Variants in TMED10 observed in about 807,000 individuals in gnomAD.
The protein encoded by TMED10 is transmembrane p24 trafficking protein 10, also known as transmembrane emp24 domain-containing protein 10.
TMED10 carries 7 observed loss-of-function variants against 23.1 expected under a neutral mutation model. That is an observed-to-expected ratio of 0.30 (90% CI 0.17 to 0.57). TMED10 has a LOEUF of 0.57. TMED10 is among the 20% of genes least tolerant of loss of function. The probability of loss-of-function intolerance (pLI) is 0.91; values close to 1 mark genes in which losing one functional copy is unlikely to be tolerated. For missense variants in TMED10, 162 were observed against 274.8 expected (o/e 0.59, Z 2.90); for synonymous variants, 113 against 106.9 (o/e 1.06, Z -0.35).
chr14:75,164,577 A>ATATATATAT (rs1566675301), intron 1 of TMED10, among the ~76,000 whole-genome samples: 1 of 45,132 alleles, frequency 2.2e-5, no homozygotes, highest in African/African-American at 2.2e-4. Flanking sequence ...ATATATATAT[A>ATATATATAT]TTTTTTTTTT....
chr14:75,164,555 ATATATATATATATATATATATATTT>A (rs1465993698), intron 1 of TMED10, among the ~76,000 whole-genome samples: 4,018 of 12,388 alleles, frequency 0.32, 260 homozygotes, highest in Non-Finnish European at 0.48. Flanking sequence ...ATATATATAT[ATATATATATATATATATATATATTT>A]TTTTTTTTTT....
At chr14:75,171,146 T>C (rs184152883) in intron 1 of TMED10, among the ~76,000 whole-genome samples, 1 of 149,992 alleles carries the variant, frequency 6.7e-6, no homozygotes, top group East Asian at 2.0e-4. Context: ...GGCAGGTGAG[T>C]AAGAGAATGA....
intron 3 of TMED10, among the ~76,000 whole-genome samples, chr14:75,137,696 G>GTTTC (rs143329685): frequency 0.49 from 61,184 of 125,202 alleles, 15,344 homozygotes; most frequent in Middle Eastern, 0.57. Context: ...AAAAAATTCT[G>GTTTC]TTTCTTTCTT....
chr14:75,139,510 C>G (rs929981385), intron 3 of TMED10, among the ~76,000 whole-genome samples: 4 of 152,084 alleles, frequency 2.6e-5, no homozygotes, highest in African/African-American at 9.7e-5. Flanking sequence ...GTGGCTCACA[C>G]CTGTTATCCC....
intron 3 of TMED10, 74 bp downstream of exon 3, chr14:75,147,590 T>C: frequency 6.8e-7 from 1 of 1,466,710 alleles, no homozygotes. Flanking sequence ...CACAGCCTGT[T>C]GGCCTGCCGA....
Position 75,157,661 on chromosome 14 carries a change from A to C in TMED10, c.226-5518T>G, listed in dbSNP as rs147729222. ...TGAGAACATGTCTCAATAAATAGCC[A>C]GGTGCAGTGGCCCACACCTGTAATC... On this transcript the variant is annotated intron_variant, in intron 1 of 4. Transcript: ENST00000303575. 8.2e-3 allele frequency among the ~76,000 whole-genome samples: 1,244 copies of C among 151,822 alleles called. 11 individuals carry two copies. Among genetic ancestry groups the C allele is most frequent in the Non-Finnish European group, 0.012 (813 of 67,930 alleles).
chr14:75,171,401 T>TC (rs1443203868), intron 1 of TMED10, among the ~76,000 whole-genome samples: 1 of 151,818 alleles, frequency 6.6e-6, no homozygotes, highest in Admixed American at 6.6e-5. Flanking sequence ...TGCCTCAGTC[T>TC]CCTGAGTAGC....
chr14:75,150,897 C>T (rs570736107), intron 2 of TMED10, among the ~76,000 whole-genome samples: 1 of 152,128 alleles, frequency 6.6e-6, no homozygotes, highest in Non-Finnish European at 1.5e-5. Context: ...GCCTGGCAAA[C>T]AGACAATCCT....
rs373541195 is a variant in TMED10, at chr14:75,171,175, G to A, written c.225+5180C>T. ...AGAATGAGATGAGATGATGATAGCC[G>A]GGGAAGGAGGGAGGAAGAGAGGAAG... is the stretch of plus-strand genomic sequence containing the variant. On this transcript the variant is annotated intron_variant, in intron 1 of 4. Coordinates refer to ENST00000303575, the MANE Select transcript of TMED10 (RefSeq NM_006827.6). 1.1e-4 allele frequency among the ~76,000 whole-genome samples: 16 copies of A among 151,904 alleles called. No individual in the cohort carries two copies. In the East Asian group the frequency reaches 1.7e-3, roughly 16 times the overall value.
chr14:75,164,990 G>C (rs992214522), intron 1 of TMED10, among the ~76,000 whole-genome samples: 1 of 152,014 alleles, frequency 6.6e-6, no homozygotes, highest in Non-Finnish European at 1.5e-5. Context: ...AGCTTTTCCT[G>C]TATGTGGTTT....
chr14:75,134,530 A>G lies in TMED10; in HGVS notation c.*355T>C, dbSNP rs1478191174. ...ACTAGAATGGAAGCCCAAGCTGCTG[A>G]GCAAGTGGGAGAAGAAAAGAAAACA... On this transcript the variant is annotated 3_prime_UTR_variant, in exon 5 of 5. Transcript: ENST00000303575. 1.2e-5 allele frequency: 2 copies of G among 171,562 alleles called. No individual in the cohort carries two copies. The highest frequency in any genetic ancestry group is 5.8e-5 in the Admixed American group (1 of 17,368). 10.6% of individuals were successfully genotyped at this position (171,562 alleles called of 1,614,324 possible).
chr14:75,146,571 T>C (rs942936719), intron 3 of TMED10, among the ~76,000 whole-genome samples: 3 of 152,192 alleles, frequency 2.0e-5, no homozygotes, highest in Admixed American at 2.0e-4. Context: ...ATAGTTCTTG[T>C]GGTTTTTCAA....
intron 3 of TMED10, among the ~76,000 whole-genome samples, chr14:75,146,654 TCTC>T (rs760790979): frequency 1.3e-3 from 196 of 152,228 alleles, no homozygotes; most frequent in Admixed American, 3.9e-3. Flanking sequence ...CTGTTGTCCT[TCTC>T]CTCATTCTGT....
intron 2 of TMED10, among the ~76,000 whole-genome samples, chr14:75,148,413 AC>A (rs1408440616): frequency 2.0e-5 from 3 of 152,028 alleles, no homozygotes; most frequent in Admixed American, 1.3e-4. Flanking sequence ...AAAAAAAAAA[AC>A]AACTTTAAGT....
At chr14:75,163,125 C>T (rs1365729292) in intron 1 of TMED10, among the ~76,000 whole-genome samples, 1 of 151,690 alleles carries the variant, frequency 6.6e-6, no homozygotes, top group African/African-American at 2.4e-5. Context: ...ACCTGTGGTC[C>T]CAGCTACTCA....
chr14:75,171,306 G>A (rs1390751792), intron 1 of TMED10, among the ~76,000 whole-genome samples: 1 of 148,836 alleles, frequency 6.7e-6, no homozygotes, highest in Non-Finnish European at 1.5e-5. Context: ...TTGAGACAAA[G>A]TCTCGCTCTG....
intron 1 of TMED10, among the ~76,000 whole-genome samples, chr14:75,156,996 C>T (rs975808944): frequency 6.6e-6 from 1 of 150,436 alleles, no homozygotes; most frequent in Non-Finnish European, 1.5e-5. Context: ...ACCTATAGAA[C>T]CAAGTTCTTC....
rs1429217558 is a variant in TMED10 at position 75,132,420 on chromosome 14, T to C, written c.*2465A>G. 1 of 131,108 alleles carries C rather than the reference T, an allele frequency of 7.6e-6. No homozygotes were observed. The highest frequency in any genetic ancestry group is 1.6e-5 in the Non-Finnish European group (1 of 63,144). The allele number at this position is 131,108 out of a possible 1,614,324, so 8.1% of individuals were successfully genotyped here. On this transcript the variant is annotated 3_prime_UTR_variant, in exon 5 of 5. Coordinates refer to ENST00000303575, the MANE Select transcript of TMED10 (RefSeq NM_006827.6). ...CCAAAAAAAAAAAAGTTTAAGGATGTATCTTAACCCACATATTATTTTCTC... is the reference window on the plus strand; with the variant it reads ...CCAAAAAAAAAAAAGTTTAAGGATGCATCTTAACCCACATATTATTTTCTC...
intron 1 of TMED10, among the ~76,000 whole-genome samples, chr14:75,153,775 C>T (rs1046277542): frequency 4.7e-5 from 4 of 84,902 alleles, no homozygotes; most frequent in Non-Finnish European, 7.8e-5. Context: ...ATTTTTTTTT[C>T]CCTTTTTTTT....
Sources: allele counts gnomAD v4.1 joint callset (sites outside exome capture counted in the v4.1 genomes callset), GRCh38; gene constraint gnomAD v4.1.1; transcripts MANE v1.5; gene names NCBI Gene and HGNC (gene_info 2026-07-23, HGNC 2026-07-21).